STK10: variants seen among roughly 807,000 people sequenced by gnomAD.
STK10 encodes the protein serine/threonine-protein kinase 10.
STK10 carries 78 observed loss-of-function variants against 113.8 expected under a neutral mutation model. The ratio of observed to expected loss-of-function variants is 0.69; its 90% CI spans 0.57 to 0.83. The LOEUF (loss-of-function observed/expected upper bound fraction) is 0.83. Ranked by LOEUF, STK10 falls within the 40% of genes least tolerant of loss-of-function variation. The pLI is 0.00. For synonymous variants in STK10, 465 were observed against 494.7 expected, an observed-to-expected ratio of 0.94 and a Z score of 0.80; for missense variants, 1,109 against 1,280.1, an observed-to-expected ratio of 0.87 and a Z score of 2.04.
At chr5:172,051,588 G>A (rs577259089) in intron 18 of STK10, among the ~76,000 whole-genome samples, 36 of 152,236 alleles carry the variant, frequency 2.4e-4, no homozygotes, top group African/African-American at 7.2e-4. Flanking sequence ...TGGCACCACC[G>A]CACTCCAGCC....
chr5:172,104,277 T>C (rs1769053646), intron 7 of STK10, among the ~76,000 whole-genome samples: 2 of 152,118 alleles, frequency 1.3e-5, no homozygotes, highest in Non-Finnish European at 2.9e-5. Context: ...GGCAGTGACA[T>C]GGGGACACTG....
chr5:172,183,366 C>G (rs1007388837), intron 1 of STK10, among the ~76,000 whole-genome samples: 1 of 152,132 alleles, frequency 6.6e-6, no homozygotes, highest in Non-Finnish European at 1.5e-5. Flanking sequence ...CCCACTCAAT[C>G]TATCACCTTT....
chr5:172,083,946 T>G (rs978865279), intron 10 of STK10, among the ~76,000 whole-genome samples: 5 of 138,958 alleles, frequency 3.6e-5, no homozygotes, highest in African/African-American at 1.4e-4. Flanking sequence ...AAAAAAAGAA[T>G]AATCAGTCAT....
chr5:172,127,678 C>T (rs1769654511), intron 2 of STK10, among the ~76,000 whole-genome samples: 1 of 152,202 alleles, frequency 6.6e-6, no homozygotes, highest in Non-Finnish European at 1.5e-5. Context: ...GCTACGAAGA[C>T]CTGAAGCTTC....
At chr5:172,103,904 T>A (rs532738204) in intron 7 of STK10, among the ~76,000 whole-genome samples, 1 of 152,172 alleles carries the variant, frequency 6.6e-6, no homozygotes, top group Non-Finnish European at 1.5e-5. Context: ...CATTTCAGAG[T>A]GACAAGCAAG....
rs59853296 is a variant in STK10 at position 172,067,371 on chromosome 5, GAATAAATAAATA to G, written c.1990-2571_1990-2560del. ...GACCCTGTCTCTAAATAAATAAATA[GAATAAATAAATA>G]AATAAATAAATAAATAAATAAATAA... On this transcript the variant is annotated intron_variant, in intron 12 of 18. Coordinates refer to ENST00000176763, the MANE Select transcript of STK10 (RefSeq NM_005990.4). 7.0e-3 allele frequency among the ~76,000 whole-genome samples: 1,034 copies of G among 147,150 alleles called. 7 individuals are homozygous for G. Among genetic ancestry groups the G allele is most frequent in the African/African-American group, 0.015 (590 of 40,274 alleles).
intron 5 of STK10, 108 bp downstream of exon 5, chr5:172,107,672 G>A (rs1581159988): frequency 1.6e-6 from 1 of 621,820 alleles, no homozygotes; most frequent in East Asian, 3.2e-5. Context: ...CACGAGGCAG[G>A]GCGTGTAGCC....
At chr5:172,176,075 T>C (rs1003344764) in intron 1 of STK10, among the ~76,000 whole-genome samples, 9 of 152,238 alleles carry the variant, frequency 5.9e-5, no homozygotes, top group African/African-American at 1.9e-4. Flanking sequence ...CTTCTTCCAG[T>C]GTCCTAGACT....
In STK10 at chr5:172,089,953, G is replaced by T. The variant is rs116750160; in HGVS notation, c.1685+279C>A. 9.3e-3 allele frequency among the ~76,000 whole-genome samples: 1,413 copies of T among 151,968 alleles called. 23 individuals carry two copies. Among genetic ancestry groups the T allele is most frequent in the African/African-American group, 0.031 (1,291 of 41,434 alleles). On this transcript the variant is annotated intron_variant, in intron 10 of 18. Coordinates refer to ENST00000176763, the MANE Select transcript of STK10 (RefSeq NM_005990.4). ...GGTGGATGGGTGGAGGGGTGAGTGGGTGGAAGGATGGGTAGACGGATGGGT... is the reference window on the plus strand; with the variant it reads ...GGTGGATGGGTGGAGGGGTGAGTGGTTGGAAGGATGGGTAGACGGATGGGT...
rs187876980 is a variant in STK10 at position 172,176,715 on chromosome 5, T to C, written c.156+11172A>G. Among the ~76,000 whole-genome samples the C allele has an allele frequency of 5.9e-5, 9 of 152,346 alleles. No individual in the cohort carries two copies. In the East Asian group the frequency reaches 1.3e-3, roughly 23 times the overall value. ...ATCAAAACTGCCAAGTCTAAATTCA[T>C]TGGCTTAGCATTCAAAGCTCTCTTG... On this transcript the variant is annotated intron_variant, in intron 1 of 18. Coordinates refer to ENST00000176763, the MANE Select transcript of STK10 (RefSeq NM_005990.4).
At chr5:172,073,222 G>T (rs578047375) in intron 12 of STK10, among the ~76,000 whole-genome samples, 24 of 152,154 alleles carry the variant, frequency 1.6e-4, no homozygotes, top group Admixed American at 6.5e-5. Context: ...GTGCGATCTT[G>T]GCTCACTGCA....
intron 10 of STK10, among the ~76,000 whole-genome samples, chr5:172,088,301 G>A (rs1332168167): frequency 3.9e-5 from 6 of 152,076 alleles, no homozygotes; most frequent in East Asian, 3.9e-4. Flanking sequence ...CGAGGTGGGC[G>A]GATCACAAGG....
intron 10 of STK10, among the ~76,000 whole-genome samples, chr5:172,086,575 G>A (rs565010719): frequency 1.5e-4 from 23 of 152,296 alleles, no homozygotes; most frequent in African/African-American, 5.3e-4. Flanking sequence ...AACTCTGCCC[G>A]GAAGCCTCAT....
chr5:172,143,839 T>C (rs1770027346), intron 2 of STK10, among the ~76,000 whole-genome samples: 1 of 152,238 alleles, frequency 6.6e-6, no homozygotes, highest in African/African-American at 2.4e-5. Flanking sequence ...TCATAAGTGT[T>C]TGTTGAATAA....
At chr5:172,072,316 G>C (rs1405152374) in intron 12 of STK10, among the ~76,000 whole-genome samples, 1 of 151,876 alleles carries the variant, frequency 6.6e-6, no homozygotes, top group African/African-American at 2.4e-5. Context: ...GCCCAGGCTG[G>C]AGTGCAGTGG....
At position 172,150,481 on chromosome 5, in the gene STK10, C is replaced by CAAAA. The variant is rs61247858; in HGVS notation, c.321+6139_321+6142dup. Reference sequence around the variant, plus strand: ...GGGCAACAAGAGCGAAACAACACCTCAAAAAAAAAAAAAAAGAAAGAAAGA... The same window carrying CAAAA: ...GGGCAACAAGAGCGAAACAACACCTCAAAAAAAAAAAAAAAAAAAGAAAGAAAGA... On this transcript the variant is annotated intron_variant, in intron 2 of 18. Transcript: ENST00000176763. Among the ~76,000 whole-genome samples the CAAAA allele has an allele frequency of 4.1e-4, 44 of 106,832 alleles. 1 individual carries two copies. Among genetic ancestry groups the CAAAA allele is most frequent in the African/African-American group, 1.3e-3 (41 of 31,066 alleles). 70.1% of individuals were successfully genotyped at this position (106,832 alleles called of 152,430 possible). A position where few individuals can be genotyped will look rare whatever the true frequency, so the allele number is the denominator to read the frequency against.
At chr5:172,142,658 G>C (rs1017029675) in intron 2 of STK10, among the ~76,000 whole-genome samples, 53 of 152,324 alleles carry the variant, frequency 3.5e-4, no homozygotes, top group African/African-American at 1.3e-3. Context: ...GATTAAGTAG[G>C]ATAATGTATG....
At chr5:172,157,187 A>G (rs1335048861) in intron 1 of STK10, among the ~76,000 whole-genome samples, 1 of 152,216 alleles carries the variant, frequency 6.6e-6, no homozygotes, top group Non-Finnish European at 1.5e-5. Context: ...AAAACTCAGG[A>G]AAGATACTGC....
chr5:172,106,411 AAAAAAAAG>A lies in STK10; in HGVS notation c.788+201_788+208del, dbSNP rs1769109137. ...AGTGAGACCCTATCTCAAAAAAAAAAAAAAAAAGGAACACAAAGGGAAAAAGAGGCACG... is the reference window on the plus strand; with the variant it reads ...AGTGAGACCCTATCTCAAAAAAAAAAGAACACAAAGGGAAAAAGAGGCACG... On this transcript the variant is annotated intron_variant, in intron 6 of 18. Coordinates refer to ENST00000176763, the MANE Select transcript of STK10 (RefSeq NM_005990.4). Among the ~76,000 whole-genome samples the A allele has an allele frequency of 1.4e-5, 2 of 144,196 alleles. 1 individual carries two copies. Among genetic ancestry groups the A allele is most frequent in the Non-Finnish European group, 3.0e-5 (2 of 65,880 alleles). 94.6% of individuals were successfully genotyped at this position (144,196 alleles called of 152,430 possible).
Sources: gnomAD v4.1 joint callset for allele counts (sites outside exome capture counted in the v4.1 genomes callset) on GRCh38, gnomAD v4.1.1 for gene constraint, MANE v1.5 for transcripts, NCBI Gene and HGNC (gene_info 2026-07-23, HGNC 2026-07-21) for gene names.